Variants in MGA observed in about 807,000 individuals in gnomAD.
The protein encoded by MGA is MAX gene-associated protein.
Under a neutral mutation model 261.1 loss-of-function variants are expected in MGA, and 40 were observed. The ratio of observed to expected loss-of-function variants is 0.15; its 90% confidence interval spans 0.12 to 0.20. The LOEUF is 0.20. MGA is among the 10% of genes least tolerant of loss of function. MGA has a pLI of 1.00. For missense variants in MGA, 3,397 were observed against 3,630.5 expected (o/e 0.94, Z 1.65); for synonymous variants, 1,302 against 1,290.6 (o/e 1.01, Z -0.19).
chr15:41,738,936 G>A (rs987427032), intron 13 of MGA, among the ~76,000 whole-genome samples: 1 of 152,174 alleles, frequency 6.6e-6, no homozygotes, highest in African/African-American at 2.4e-5. Context: ...TGAAGATGGA[G>A]TTGCTTGCTG....
intron 12 of MGA, among the ~76,000 whole-genome samples, chr15:41,735,215 T>C (rs2061707911): frequency 6.6e-6 from 1 of 152,150 alleles, no homozygotes; most frequent in East Asian, 1.9e-4. Flanking sequence ...GTGAGCACCC[T>C]GAGGATTATG....
rs1453205755 is a variant in MGA, at chr15:41,696,813, T to C, written c.1803T>C (p.Asn601=). ...TTGCAACAGCCGCAAAGGTAGTGAA[T>C]GCTAATCAGAATGCCTCTCCAAATG... Residue 601 remains asparagine (N), a synonymous_variant, in exon 3 of 24, where the codon AAT becomes AAC. Coordinates refer to ENST00000219905, the MANE Select transcript of MGA (RefSeq NM_001164273.2). The C allele has an allele frequency of 3.1e-6, 5 of 1,601,748 alleles. No homozygotes were observed.
Position 41,711,258 on chromosome 15 carries a change from T to C in MGA, c.2993T>C (p.Leu998Pro). The C allele has an allele frequency of 6.2e-7, 1 of 1,614,024 alleles. No homozygotes were observed. Among genetic ancestry groups the C allele is most frequent in the Admixed American group, 1.7e-5 (1 of 60,020 alleles). Residue 998 changes from leucine (L) to proline (P), a missense_variant, in exon 8 of 24, where the codon CTG becomes CCG. Leu to Pro is a moderately conservative substitution (Grantham distance 98, BLOSUM62 -3). Coordinates refer to ENST00000219905, the MANE Select transcript of MGA (RefSeq NM_001164273.2). ...AAATCTCAGGTGAAGCTAATGGACC[T>C]GGAAGACTGTGCACTTTGGGAAGGA... is the stretch of plus-strand genomic sequence containing the variant.
chr15:41,680,896 G>GA (rs1248700253), intron 2 of MGA, among the ~76,000 whole-genome samples: 1 of 152,180 alleles, frequency 6.6e-6, no homozygotes, highest in Non-Finnish European at 1.5e-5. Flanking sequence ...AGGTTGAGCT[G>GA]GCTCAGAGTC....
chr15:41,766,746 T>C lies in MGA; in HGVS notation c.8664T>C (p.Pro2888=). ...TGGGAACTGGTTTGAAAGAGTTGCCTGATGTTCAAGGGGAGAGTGACTCTA... is the reference window on the plus strand; with the variant it reads ...TGGGAACTGGTTTGAAAGAGTTGCCCGATGTTCAAGGGGAGAGTGACTCTA... The change falls in exon 24 of 24, where the codon CCT becomes CCC. Residue 2888 remains proline (P), a synonymous_variant. Coordinates refer to ENST00000219905, the MANE Select transcript of MGA (RefSeq NM_001164273.2). 1 of 1,613,964 alleles carries C rather than the reference T, an allele frequency of 6.2e-7. No individual in the cohort carries two copies. Among genetic ancestry groups the C allele is most frequent in the East Asian group, 2.2e-5 (1 of 44,880 alleles).
At chr15:41,658,194 G>A (rs982307533), upstream of MGA, among the ~76,000 whole-genome samples, 1 of 152,128 alleles carries the variant, frequency 6.6e-6, no homozygotes. Context: ...ACTTGAACGT[G>A]CAGTCTAGGA....
chr15:41,668,950 G>A lies in MGA; in HGVS notation c.56G>A (p.Gly19Glu). Reference sequence around the variant, plus strand: ...AATCAAGATGGTGGAACAGTGGCAGGAGCAGCACCTACCTTCTTTGTCATC... The same window carrying A: ...AATCAAGATGGTGGAACAGTGGCAGAAGCAGCACCTACCTTCTTTGTCATC... Residue 19 changes from glycine to glutamate, a missense_variant, in exon 2 of 24, where the codon GGA (glycine) becomes GAA (glutamate). Physicochemically the swap from Gly to Glu is moderately conservative, Grantham distance 98. Around this residue, in one of 9 missense-constraint regions of MGA, gnomAD observed 81 missense variants for 84.3 expected, o/e 0.96. Coordinates refer to ENST00000219905, the MANE Select transcript of MGA (RefSeq NM_001164273.2). 1 of 1,607,544 alleles carries A rather than the reference G, an allele frequency of 6.2e-7. No homozygotes were observed. The highest frequency in any genetic ancestry group is 8.5e-7 in the Non-Finnish European group (1 of 1,174,966).
Position 41,713,183 on chromosome 15 carries a change from C to T in MGA, c.3117C>T (p.Ile1039=). Residue 1039 remains isoleucine, a synonymous_variant, in exon 9 of 24, where the codon ATC becomes ATT. Transcript: ENST00000219905. ...TCAAAACTAAACCTATCCACACAAT[C>T]ATAAGGAAACGAGCCCCTCCCTGCA... 6.2e-7 allele frequency: 1 copy of T among 1,613,692 alleles called. No homozygotes were observed. The highest frequency in any genetic ancestry group is 1.7e-5 in the Admixed American group (1 of 60,020).
At position 41,696,562 on chromosome 15, in the gene MGA, A is replaced by G. The variant is rs760572775; in HGVS notation, c.1552A>G (p.Thr518Ala). The G allele has an allele frequency of 4.3e-6, 7 of 1,613,878 alleles. No homozygotes were observed. Among genetic ancestry groups the G allele is most frequent in the South Asian group, 3.3e-5 (3 of 91,088 alleles). ...TACATACATTGAAAATTCCAATGAG[A>G]CTGCCTTCTGCTTAGGCAAGGAATC... The change falls in exon 3 of 24, where the codon ACT becomes GCT. Residue 518 changes from threonine (T) to alanine (A), a missense_variant. By Grantham distance (58) the Thr-to-Ala change is moderately conservative. Coordinates refer to ENST00000219905, the MANE Select transcript of MGA (RefSeq NM_001164273.2).
At position 41,711,177 on chromosome 15, in the gene MGA, G is replaced by T. The variant is rs762161367; in HGVS notation, c.2912G>T (p.Arg971Leu). ...ATATTTCCAAAGCAGATTAGTTTGC[G>T]GCAGGCACAGCAGCAGCAGCAACAG... The change falls in exon 8 of 24, where the codon CGG becomes CTG. Residue 971 changes from arginine to leucine, a missense_variant. Physicochemically the swap from Arg to Leu is moderately radical, Grantham distance 102. Around this residue, in one of 9 missense-constraint regions of MGA, gnomAD observed 519 missense variants for 554.1 expected, o/e 0.94. Transcript: ENST00000219905. 1 of 1,613,914 alleles carries T rather than the reference G, an allele frequency of 6.2e-7. No individual in the cohort carries two copies. Among genetic ancestry groups the T allele is most frequent in the Non-Finnish European group, 8.5e-7 (1 of 1,179,900 alleles).
chr15:41,760,623 G>A (rs1017140038), intron 20 of MGA, 94 bp downstream of exon 20: 10 of 1,234,542 alleles, frequency 8.1e-6, no homozygotes, highest in Non-Finnish European at 1.2e-5. Context: ...AAGGGAGATT[G>A]AAATAGAGCT....
rs746785834 is a variant in MGA, at chr15:41,749,579, A to G, written c.5972A>G (p.Lys1991Arg). ...TCAATAAAAAGAGAGCAAGAAACGAAGAAGGTTCTACAGTCAGAAGGAGAG... is the reference window on the plus strand; with the variant it reads ...TCAATAAAAAGAGAGCAAGAAACGAGGAAGGTTCTACAGTCAGAAGGAGAG... The change falls in exon 17 of 24, where the codon AAG becomes AGG. Residue 1991 changes from lysine (K) to arginine (R), a missense_variant. Around this residue, in one of 9 missense-constraint regions of MGA, gnomAD observed 1,410 missense variants for 1,386.4 expected, o/e 1.02. Coordinates refer to ENST00000219905, the MANE Select transcript of MGA (RefSeq NM_001164273.2). 1.5e-5 allele frequency: 24 copies of G among 1,613,856 alleles called. No individual in the cohort carries two copies. The highest frequency in any genetic ancestry group is 2.0e-5 in the Non-Finnish European group (24 of 1,179,892).
intron 1 of MGA, among the ~76,000 whole-genome samples, chr15:41,624,347 A>C (rs2056392321): frequency 6.6e-6 from 1 of 151,964 alleles, no homozygotes. Context: ...TCCCAGTTTC[A>C]AGTGATTCTT....
chr15:41,740,973 A>G (rs913877885), intron 14 of MGA, among the ~76,000 whole-genome samples: 2 of 152,170 alleles, frequency 1.3e-5, no homozygotes, highest in Non-Finnish European at 2.9e-5. Context: ...TCTGTTAGGA[A>G]TGTTAGGTAA....
intron 1 of MGA, among the ~76,000 whole-genome samples, chr15:41,625,502 G>T (rs1464706887): frequency 6.6e-6 from 1 of 151,458 alleles, no homozygotes; most frequent in African/African-American, 2.4e-5. Flanking sequence ...TTGCTCCTTG[G>T]AGAGTGTTTG....
chr15:41,721,490 T>C (rs888164177), intron 9 of MGA, among the ~76,000 whole-genome samples: 1 of 152,104 alleles, frequency 6.6e-6, no homozygotes, highest in African/African-American at 2.4e-5. Context: ...AAGCAGATAT[T>C]TGTAATATCT....
intron 13 of MGA, among the ~76,000 whole-genome samples, chr15:41,737,206 C>T (rs1428780217): frequency 1.3e-5 from 2 of 152,054 alleles, no homozygotes; most frequent in Non-Finnish European, 2.9e-5. Context: ...TCACAGCAAC[C>T]TCTGCCTCCT....
chr15:41,653,403 A>AAC (rs1368178928), intron 1 of MGA, among the ~76,000 whole-genome samples: 1 of 151,832 alleles, frequency 6.6e-6, no homozygotes, highest in Non-Finnish European at 1.5e-5. Context: ...CAAACAAACA[A>AAC]ACAAAAAAAC....
intron 13 of MGA, among the ~76,000 whole-genome samples, chr15:41,737,707 G>T (rs527498076): frequency 2.8e-4 from 43 of 152,246 alleles, no homozygotes; most frequent in Non-Finnish European, 4.6e-4. Context: ...CTAGCTGAGC[G>T]CAGTGGCTTA....
Sources: gnomAD v4.1 joint callset for allele counts (sites outside exome capture counted in the v4.1 genomes callset) on GRCh38, gnomAD v4.1.1 for gene constraint, gnomAD v4.1.1 regional missense constraint, MANE v1.5 for transcripts, NCBI Gene and HGNC (gene_info 2026-07-23, HGNC 2026-07-21) for gene names.